TANC2: variants seen among roughly 807,000 people sequenced by gnomAD.
TANC2 encodes protein TANC2.
A neutral mutation model predicts 210.5 loss-of-function variants in TANC2; 26 were observed. That is an observed-to-expected ratio of 0.12 (90% CI 0.09 to 0.17). TANC2 has a LOEUF of 0.17. Ranked by LOEUF, TANC2 falls within the 10% of genes least tolerant of loss-of-function variation. The pLI, the probability that TANC2 is intolerant of heterozygous loss-of-function variation, is 1.00. For synonymous variants in TANC2, 931 were observed against 967.1 expected, an observed-to-expected ratio of 0.96 and a Z score of 0.69; for missense variants, 2,129 against 2,608.9, an observed-to-expected ratio of 0.82 and a Z score of 4.01.
intron 2 of TANC2, among the ~76,000 whole-genome samples, chr17:63,041,528 C>T (rs559731458): frequency 8.5e-5 from 13 of 152,178 alleles, no homozygotes; most frequent in African/African-American, 2.6e-4. Flanking sequence ...AAAATGAAGT[C>T]GCTAAAGCAC....
At chr17:63,404,914 G>T (rs2048454315) in intron 19 of TANC2, among the ~76,000 whole-genome samples, 1 of 152,136 alleles carries the variant, frequency 6.6e-6, no homozygotes, top group African/African-American at 2.4e-5. Flanking sequence ...TATTATTATT[G>T]TCTCCAAATA....
intron 4 of TANC2, among the ~76,000 whole-genome samples, chr17:63,131,379 TG>T (rs2038912083): frequency 6.6e-6 from 1 of 152,210 alleles, no homozygotes; most frequent in Non-Finnish European, 1.5e-5. Context: ...AAAGCTGGTC[TG>T]GGCAAAGAAA....
At chr17:63,002,544 G>T (rs1384768111) in intron 1 of TANC2, among the ~76,000 whole-genome samples, 4 of 151,984 alleles carry the variant, frequency 2.6e-5, no homozygotes, top group African/African-American at 9.7e-5. Context: ...TCATTAAGTG[G>T]ATTTTAGCAT....
At chr17:63,345,773 A>T (rs2046387570) in intron 12 of TANC2, among the ~76,000 whole-genome samples, 1 of 152,236 alleles carries the variant, frequency 6.6e-6, no homozygotes, top group South Asian at 2.1e-4. Flanking sequence ...AGAATTACAG[A>T]TTACTATAAT....
intron 25 of TANC2, chr17:63,414,423 G>A (rs2048798111): frequency 6.6e-6 from 1 of 152,134 alleles, no homozygotes; most frequent in Non-Finnish European, 1.5e-5. Context: ...AATGAGTCAC[G>A]GTAATCTAGG....
intron 2 of TANC2, among the ~76,000 whole-genome samples, chr17:63,045,978 A>C (rs1388466767): frequency 6.6e-6 from 1 of 152,014 alleles, no homozygotes; most frequent in Non-Finnish European, 1.5e-5. Context: ...TCTATATTCT[A>C]TTTGGTCATA....
intron 22 of TANC2, 78 bp downstream of exon 22, chr17:63,411,764 GA>G (rs2063175519): frequency 6.6e-7 from 1 of 1,522,156 alleles, no homozygotes; most frequent in Non-Finnish European, 8.9e-7. Context: ...GTTGAAAGTG[GA>G]GTGATGTATT....
intron 9 of TANC2, among the ~76,000 whole-genome samples, chr17:63,295,395 C>T (rs1304617931): frequency 6.6e-6 from 1 of 152,218 alleles, no homozygotes; most frequent in Non-Finnish European, 1.5e-5. Flanking sequence ...TAGACTATTT[C>T]TCAGAAACTG....
In TANC2 at chr17:63,422,111, C is replaced by T. The variant is rs866860093; in HGVS notation, c.*156C>T. 1.9e-5 allele frequency: 19 copies of T among 992,412 alleles called. No individual in the cohort carries two copies. In the African/African-American group the frequency reaches 2.0e-4, roughly 10 times the overall value. 61.5% of individuals were successfully genotyped at this position (992,412 alleles called of 1,614,324 possible). A position where few individuals can be genotyped will look rare whatever the true frequency, so the allele number is the denominator to read the frequency against. On this transcript the variant is annotated 3_prime_UTR_variant, in exon 28 of 28. Coordinates refer to ENST00000689528, the Ensembl canonical transcript of TANC2. The stretch of plus-strand genomic sequence containing the variant: ...CATGCTGAAATCCTTTGCATGCAGC[C>T]GACTGGGAAGCGGCCTCCCGGGAGC...
At chr17:63,061,488 T>C (rs1402566290) in intron 2 of TANC2, among the ~76,000 whole-genome samples, 2 of 152,216 alleles carry the variant, frequency 1.3e-5, no homozygotes, top group African/African-American at 4.8e-5. Flanking sequence ...TTGATCTAAG[T>C]TGATAATGTC....
intron 3 of TANC2, among the ~76,000 whole-genome samples, chr17:63,094,862 C>A (rs1426099181): frequency 1.3e-5 from 2 of 149,500 alleles, no homozygotes; most frequent in Non-Finnish European, 2.9e-5. Flanking sequence ...TCTGCCACAT[C>A]TCCATCATAT....
At chr17:62,981,363 C>G (rs1417337915) in intron 1 of TANC2, among the ~76,000 whole-genome samples, 2 of 151,854 alleles carry the variant, frequency 1.3e-5, no homozygotes, top group Non-Finnish European at 2.9e-5. Flanking sequence ...TAGAACCTAC[C>G]CCCCCTCACC....
chr17:63,200,737 G>A (rs568187938), intron 6 of TANC2, 34 bp from the exon 7 acceptor site: 4 of 1,583,294 alleles, frequency 2.5e-6, no homozygotes, highest in Admixed American at 1.7e-5. Context: ...AGCTGATCAG[G>A]TTATCTTACT....
At chr17:63,168,976 G>T (rs1252107547) in intron 5 of TANC2, among the ~76,000 whole-genome samples, 1 of 152,188 alleles carries the variant, frequency 6.6e-6, no homozygotes, top group African/African-American at 2.4e-5. Context: ...TTATGATTTA[G>T]CTATACCCGG....
chr17:63,234,765 T>C (rs1157963840), intron 7 of TANC2, among the ~76,000 whole-genome samples: 4 of 152,102 alleles, frequency 2.6e-5, no homozygotes, highest in Admixed American at 6.6e-5. Flanking sequence ...AGATAGTAAA[T>C]GATTAAGATT....
chr17:63,256,018 G>T (rs934910095), intron 8 of TANC2, among the ~76,000 whole-genome samples: 1 of 146,934 alleles, frequency 6.8e-6, no homozygotes. Context: ...CGATTCTCCT[G>T]CCTTAGCCTC....
intron 14 of TANC2, among the ~76,000 whole-genome samples, chr17:63,368,772 C>T (rs1598957960): frequency 6.6e-6 from 1 of 152,118 alleles, no homozygotes; most frequent in East Asian, 1.9e-4. Flanking sequence ...AAGTAGAGAC[C>T]ACTACCATAG....
At chr17:63,176,581 G>A (rs1457479914) in intron 5 of TANC2, among the ~76,000 whole-genome samples, 3 of 152,190 alleles carry the variant, frequency 2.0e-5, no homozygotes, top group Middle Eastern at 3.4e-3. Flanking sequence ...TGAGGCGGAC[G>A]GATCACAAGG....
At chr17:63,166,399 A>G (rs1333024194) in intron 5 of TANC2, among the ~76,000 whole-genome samples, 2 of 152,236 alleles carry the variant, frequency 1.3e-5, no homozygotes, top group African/African-American at 2.4e-5. Context: ...ATTATTAAAT[A>G]CTAAGTAGAC....
Sources: gnomAD v4.1 joint callset for allele counts (sites outside exome capture counted in the v4.1 genomes callset) on GRCh38, gnomAD v4.1.1 for gene constraint, MANE v1.5 for transcripts, NCBI Gene and HGNC (gene_info 2026-07-23, HGNC 2026-07-21) for gene names.